GOLPH3: variants seen among roughly 807,000 people sequenced by gnomAD.
GOLPH3 encodes coat protein GPP34.
A neutral mutation model predicts 28.5 loss-of-function variants in GOLPH3; 14 were observed. The ratio of observed to expected loss-of-function variants is 0.49; its 90% CI spans 0.32 to 0.77. GOLPH3 has a LOEUF of 0.77. Among genes scored for constraint, GOLPH3 ranks in the 30% least tolerant of loss-of-function variants. The pLI is 0.03. For synonymous variants in GOLPH3, 158 were observed against 159.2 expected (o/e 0.99, Z 0.06); for missense variants, 350 against 393.7 (o/e 0.89, Z 0.94).
In GOLPH3 at chr5:32,126,236, C is replaced by A. The variant is rs147714399; in HGVS notation, c.873G>T (p.Ala291=). 6.2e-7 allele frequency: 1 copy of A among 1,611,112 alleles called. No homozygotes were observed. Among genetic ancestry groups the A allele is most frequent in the African/African-American group, 1.3e-5 (1 of 74,970 alleles). ...GTTACTTGGTGAACGCCGCCACCAC[C>A]GCCCACAGAACCTCATTGGTGTTGG... The part of the protein sequence containing the change: ...LKANTNEVLW[A]VVAAFTK Residue 291 remains alanine, a synonymous_variant, in exon 4 of 4, where the codon GCG becomes GCT. Transcript: ENST00000265070.
At chr5:32,167,369 A>G (rs1431205713) in intron 1 of GOLPH3, among the ~76,000 whole-genome samples, 2 of 152,064 alleles carry the variant, frequency 1.3e-5, no homozygotes, top group Non-Finnish European at 2.9e-5. Flanking sequence ...ACAGGGGTTC[A>G]CCATGTTGGC....
intron 3 of GOLPH3, among the ~76,000 whole-genome samples, chr5:32,133,283 T>C (rs564509510): frequency 6.6e-6 from 1 of 152,324 alleles, no homozygotes; most frequent in South Asian, 2.1e-4. Context: ...AAAATGTTAC[T>C]TAACAGGTTA....
At chr5:32,162,293 C>T (rs541940890) in intron 1 of GOLPH3, among the ~76,000 whole-genome samples, 6 of 149,716 alleles carry the variant, frequency 4.0e-5, no homozygotes, top group South Asian at 2.1e-4. Context: ...GAGATAGAGA[C>T]CATCCTGGCT....
chr5:32,173,339 G>A (rs762489458), intron 1 of GOLPH3, among the ~76,000 whole-genome samples: 4 of 151,126 alleles, frequency 2.6e-5, no homozygotes, highest in South Asian at 2.1e-4. Flanking sequence ...TTTAACTGAA[G>A]AAGAAGAAAA....
intron 2 of GOLPH3, among the ~76,000 whole-genome samples, chr5:32,143,112 ATTC>A (rs1165381331): frequency 6.6e-6 from 1 of 152,216 alleles, no homozygotes; most frequent in Non-Finnish European, 1.5e-5. Flanking sequence ...ACTAAGAAAA[ATTC>A]TTCTGCCTTG....
chr5:32,164,099 C>G (rs1746653521), intron 1 of GOLPH3, among the ~76,000 whole-genome samples: 1 of 152,190 alleles, frequency 6.6e-6, no homozygotes, highest in African/African-American at 2.4e-5. Flanking sequence ...AGTTCCTACA[C>G]GCAGTTCAGT....
chr5:32,170,632 C>T (rs1297947038), intron 1 of GOLPH3, among the ~76,000 whole-genome samples: 1 of 152,022 alleles, frequency 6.6e-6, no homozygotes, highest in Non-Finnish European at 1.5e-5. Flanking sequence ...GATAAGTTGA[C>T]AGGGCTGGTT....
Position 32,126,397 on chromosome 5 carries a change from C to T in GOLPH3, c.712G>A (p.Ala238Thr), listed in dbSNP as rs751060867. The T allele has an allele frequency of 5.0e-6, 8 of 1,614,132 alleles. No individual in the cohort carries two copies. The South Asian group carries it at 5.5e-5, about 11-fold the overall frequency. The change falls in exon 4 of 4, where the codon GCC (alanine) becomes ACC (threonine). Residue 238 changes from alanine to threonine, a missense_variant. Transcript: ENST00000265070. ...DPHRMDRRLL[A>T]LIYLAHASDV... ...GAGGCATGAGCCAGGTAAATGAGGG[C>T]CAGCAAGCGCCTGTCCATGCGGTGA...
intron 3 of GOLPH3, among the ~76,000 whole-genome samples, chr5:32,135,075 CAT>C (rs1745904906): frequency 6.6e-6 from 1 of 152,182 alleles, no homozygotes; most frequent in African/African-American, 2.4e-5. Context: ...ACATGAACCA[CAT>C]GTCATTTCTA....
intron 1 of GOLPH3, among the ~76,000 whole-genome samples, chr5:32,159,787 T>G (rs967130873): frequency 1.3e-5 from 2 of 152,160 alleles, no homozygotes; most frequent in African/African-American, 4.8e-5. Context: ...CTTTTTACAT[T>G]TGAAAAATCT....
At chr5:32,133,171 A>AC (rs1280222197) in intron 3 of GOLPH3, among the ~76,000 whole-genome samples, 37 of 152,256 alleles carry the variant, frequency 2.4e-4, no homozygotes, top group Admixed American at 3.3e-4. Context: ...AAGCTTTTAG[A>AC]CTTCTCATCT....
At chr5:32,140,656 TCA>T (rs993649260) in intron 2 of GOLPH3, among the ~76,000 whole-genome samples, 17 of 143,326 alleles carry the variant, frequency 1.2e-4, no homozygotes, top group African/African-American at 4.3e-4. Flanking sequence ...AGAGTGACAC[TCA>T]GTCTCAGAAA....
intron 3 of GOLPH3, among the ~76,000 whole-genome samples, chr5:32,129,271 T>C (rs1193484447): frequency 1.3e-5 from 2 of 152,156 alleles, no homozygotes; most frequent in African/African-American, 4.8e-5. Context: ...CTCCATTTAC[T>C]CATCTATAAA....
chr5:32,165,251 G>C (rs1452763276), intron 1 of GOLPH3, among the ~76,000 whole-genome samples: 2 of 152,102 alleles, frequency 1.3e-5, no homozygotes, highest in Admixed American at 1.3e-4. Flanking sequence ...TGTACTGAGT[G>C]ACTGCCAAAT....
intron 1 of GOLPH3, among the ~76,000 whole-genome samples, chr5:32,154,768 A>G (rs552158216): frequency 2.6e-4 from 40 of 152,328 alleles, no homozygotes; most frequent in Non-Finnish European, 5.7e-4. Flanking sequence ...TGCAATGAAC[A>G]TGAAAACACA....
In GOLPH3 at chr5:32,143,722, AAGAATGTTACTCAGCAC is replaced by A; in HGVS notation, c.357+10_357+26del. ...TTTTAAGCAGTACAACCTCTTTAAAAAGAATGTTACTCAGCACTCCTCTTACCTTTCTTGTTAATAGA... is the reference window on the plus strand; with the variant it reads ...TTTTAAGCAGTACAACCTCTTTAAAATCCTCTTACCTTTCTTGTTAATAGA... On this transcript the variant is annotated intron_variant, in intron 2 of 3. Coordinates refer to ENST00000265070, the MANE Select transcript of GOLPH3 (RefSeq NM_022130.4). The A allele has an allele frequency of 6.3e-7, 1 of 1,584,828 alleles. No homozygotes were observed. The highest frequency in any genetic ancestry group is 8.6e-7 in the Non-Finnish European group (1 of 1,168,962).
At chr5:32,159,028 GCCA>G (rs1469064064) in intron 1 of GOLPH3, among the ~76,000 whole-genome samples, 5 of 152,338 alleles carry the variant, frequency 3.3e-5, no homozygotes, top group Admixed American at 3.3e-4. Flanking sequence ...CAGAGGACCT[GCCA>G]CGCACTGAGT....
At position 32,146,225 on chromosome 5, in the gene GOLPH3, G is replaced by A. The variant is rs1746177790; in HGVS notation, c.226-2345C>T. 1.3e-5 allele frequency among the ~76,000 whole-genome samples: 2 copies of A among 151,676 alleles called. 1 individual carries two copies. Among genetic ancestry groups the A allele is most frequent in the Admixed American group, 1.3e-4 (2 of 15,230 alleles). On this transcript the variant is annotated intron_variant, in intron 1 of 3. Transcript: ENST00000265070. ...GAATCACCTGAGCTCAGGAACTTGA[G>A]GCTGCAGTGAGCCATGATCATGCCA... is the stretch of plus-strand genomic sequence containing the variant.
At chr5:32,173,738 G>A in intron 1 of GOLPH3, 72 bp downstream of exon 1, 6 of 1,116,438 alleles carry the variant, frequency 5.4e-6, no homozygotes, top group African/African-American at 1.6e-5. Context: ...CGCTCACCTG[G>A]CACCTACCTG....
Sources: allele counts gnomAD v4.1 joint callset (sites outside exome capture counted in the v4.1 genomes callset), GRCh38; gene constraint gnomAD v4.1.1; transcripts MANE v1.5; gene names NCBI Gene and HGNC (gene_info 2026-07-23, HGNC 2026-07-21).